CLASP2: variants seen among roughly 807,000 people sequenced by gnomAD.
CLASP2 encodes CLIP-associating protein 2.
CLASP2 carries 47 observed loss-of-function variants against 194.4 expected under a neutral mutation model. The ratio of observed to expected loss-of-function variants is 0.24; its 90% CI spans 0.19 to 0.31. The LOEUF (loss-of-function observed/expected upper bound fraction) is 0.31, where lower values mean the gene tolerates loss of function less well. CLASP2 is among the 10% of genes least tolerant of loss of function. The probability of loss-of-function intolerance (pLI) is 1.00; values close to 1 mark genes in which losing one functional copy is unlikely to be tolerated. For synonymous variants in CLASP2, 619 were observed against 633.5 expected (o/e 0.98, Z 0.34); for missense variants, 1,445 against 1,823.6 (o/e 0.79, Z 3.78).
intron 6 of CLASP2, among the ~76,000 whole-genome samples, chr3:33,672,423 T>C (rs1282806931): frequency 6.6e-6 from 1 of 152,086 alleles, no homozygotes; most frequent in Non-Finnish European, 1.5e-5. Context: ...AGAAAGGACA[T>C]CCACACCAAA....
chr3:33,517,218 ACT>A, intron 34 of CLASP2, 44 bp from the exon 35 acceptor site: 1 of 1,474,656 alleles, frequency 6.8e-7, no homozygotes, highest in Non-Finnish European at 9.1e-7. Flanking sequence ...TTATAGGGTG[ACT>A]CTCACAAGTA....
intron 6 of CLASP2, among the ~76,000 whole-genome samples, chr3:33,676,853 A>G (rs2088761053): frequency 6.6e-6 from 1 of 152,232 alleles, no homozygotes; most frequent in Non-Finnish European, 1.5e-5. Flanking sequence ...GAACAAATTT[A>G]CAAGGAAAAA....
At chr3:33,613,279 C>G (rs2075525557) in intron 12 of CLASP2, among the ~76,000 whole-genome samples, 1 of 152,142 alleles carries the variant, frequency 6.6e-6, no homozygotes, top group South Asian at 2.1e-4. Context: ...TTGCCCAAAA[C>G]CATTACGAAG....
chr3:33,632,312 TA>T lies in CLASP2; in HGVS notation c.921del (p.Phe307LeufsTer19). The T allele has an allele frequency of 6.2e-7, 1 of 1,605,594 alleles. No homozygotes were observed. On this transcript the variant is annotated frameshift_variant, in exon 9 of 39. Coordinates refer to ENST00000682230, the MANE Select transcript of CLASP2 (RefSeq NM_001365631.1). LOFTEE classifies it high-confidence loss of function. ...AVDEDDFIKAFTDVPSIQIYS... is the reference protein window; with the variant it reads ...AVDEDDFIKAXTDVPSIQIYS... The stretch of plus-strand genomic sequence containing the variant: ...CTTACCTGAATAGAAGGGACATCTG[TA>T]AAAGCTTTTATAAAATCATCTTCAT...
Position 33,706,393 on chromosome 3 carries a change from A to G in CLASP2, c.196-9460T>C, listed in dbSNP as rs185200952. ...ACAACTATTTTGAAAATGAAATAAAATAAATGAATCTAAATTTACATCAAG... is the reference window on the plus strand; with the variant it reads ...ACAACTATTTTGAAAATGAAATAAAGTAAATGAATCTAAATTTACATCAAG... On this transcript the variant is annotated intron_variant, in intron 1 of 38. Coordinates refer to ENST00000682230, the MANE Select transcript of CLASP2 (RefSeq NM_001365631.1). Among the ~76,000 whole-genome samples the G allele has an allele frequency of 7.0e-3, 1,067 of 152,356 alleles. 13 individuals are homozygous for G. The highest frequency in any genetic ancestry group is 8.3e-3 in the Non-Finnish European group (563 of 68,036).
At chr3:33,708,991 C>T (rs970052660) in intron 1 of CLASP2, among the ~76,000 whole-genome samples, 4 of 152,170 alleles carry the variant, frequency 2.6e-5, no homozygotes, top group African/African-American at 9.7e-5. Flanking sequence ...GCATCTCATA[C>T]GTTTTGGATA....
chr3:33,584,759 G>A lies in CLASP2; in HGVS notation c.2230C>T (p.Leu744Phe). Residue 744 changes from leucine (L) to phenylalanine (F), a missense_variant, in exon 22 of 39, where the codon CTT becomes TTT. This residue lies in a region of CLASP2 where 732 missense variants were observed against 987.9 expected (regional missense o/e 0.74). Coordinates refer to ENST00000682230, the MANE Select transcript of CLASP2 (RefSeq NM_001365631.1). ...AAAAAAAAAATCTTACCCACTGAAA[G>A]CCTAGATGGACTAGCCTCTCTGCTA... The part of the protein sequence containing the change: ...GCSREASPSR[L>F]SVARSSRIPR... 1 of 1,538,716 alleles carries A rather than the reference G, an allele frequency of 6.5e-7. No individual in the cohort carries two copies. Among genetic ancestry groups the A allele is most frequent in the Non-Finnish European group, 8.8e-7 (1 of 1,140,280 alleles).
chr3:33,516,586 G>A (rs1169629035), intron 35 of CLASP2, among the ~76,000 whole-genome samples: 1 of 152,110 alleles, frequency 6.6e-6, no homozygotes, highest in Non-Finnish European at 1.5e-5. Context: ...AGAATCACTG[G>A]AGCCTGGGAG....
intron 38 of CLASP2, among the ~76,000 whole-genome samples, chr3:33,499,474 C>T (rs946836246): frequency 2.6e-5 from 4 of 151,884 alleles, no homozygotes; most frequent in Admixed American, 2.6e-4. Flanking sequence ...CTCAGCCTCC[C>T]AAGTAGCTGG....
At chr3:33,652,391 A>G (rs2083366329) in intron 7 of CLASP2, among the ~76,000 whole-genome samples, 1 of 152,168 alleles carries the variant, frequency 6.6e-6, no homozygotes. Flanking sequence ...CTATTATACC[A>G]CAGATACCTT....
chr3:33,705,521 C>A (rs1002312005), intron 1 of CLASP2, among the ~76,000 whole-genome samples: 3 of 152,198 alleles, frequency 2.0e-5, no homozygotes, highest in Non-Finnish European at 4.4e-5. Context: ...GTAATATACA[C>A]TTCAAATGAG....
At position 33,718,031 on chromosome 3, in the gene CLASP2, C is replaced by G; in HGVS notation, c.-29G>C. 1.4e-6 allele frequency: 2 copies of G among 1,453,402 alleles called. No homozygotes were observed. The highest frequency in any genetic ancestry group is 9.0e-7 in the Non-Finnish European group (1 of 1,111,096). 90.0% of individuals were successfully genotyped at this position (1,453,402 alleles called of 1,614,324 possible). ...TGCGGCCGCCCGCCCGCCTGCCAGT[C>G]TGTGAGCGGCCAACTTTCGCCGAGA... is the stretch of plus-strand genomic sequence containing the variant. On this transcript the variant is annotated 5_prime_UTR_variant, in exon 1 of 39. Transcript: ENST00000682230.
chr3:33,524,249 A>C (rs985045244), intron 34 of CLASP2, among the ~76,000 whole-genome samples: 4 of 152,156 alleles, frequency 2.6e-5, no homozygotes, highest in African/African-American at 9.7e-5. Flanking sequence ...AGGTATATCA[A>C]TAATAGTAAA....
Position 33,517,018 on chromosome 3 carries a change from A to G in CLASP2, c.3944T>C (p.Ile1315Thr), listed in dbSNP as rs750512970. The G allele has an allele frequency of 2.5e-6, 4 of 1,613,202 alleles. No homozygotes were observed. The highest frequency in any genetic ancestry group is 3.4e-6 in the Non-Finnish European group (4 of 1,179,642). Residue 1315 changes from isoleucine (I) to threonine (T), a missense_variant, in exon 35 of 39, where the codon ATA becomes ACA. Coordinates refer to ENST00000682230, the MANE Select transcript of CLASP2 (RefSeq NM_001365631.1). ...FSVWDEHFKT[I>T]LLLLLETLGD... The stretch of plus-strand genomic sequence containing the variant: ...AAGCGTTTCAAGCAATAAAAGCAAT[A>G]TTGTTTTGAAGTGTTCATCCCAAAC...
At chr3:33,510,840 G>C (rs2049527347) in intron 36 of CLASP2, 76 bp from the exon 37 acceptor site, 1 of 1,270,544 alleles carries the variant, frequency 7.9e-7, no homozygotes, top group Non-Finnish European at 1.1e-6. Context: ...TAAACTTCAT[G>C]AAGTATTCAA....
chr3:33,632,468 A>T (rs1447342655), intron 8 of CLASP2, 97 bp from the exon 9 acceptor site: 5 of 838,746 alleles, frequency 6.0e-6, no homozygotes, highest in African/African-American at 1.7e-5. Flanking sequence ...ATATCAACAA[A>T]AGTATAATTT....
At chr3:33,689,515 G>A (rs961112250) in intron 3 of CLASP2, among the ~76,000 whole-genome samples, 1 of 151,762 alleles carries the variant, frequency 6.6e-6, no homozygotes, top group Non-Finnish European at 1.5e-5. Flanking sequence ...CTCAAAATAA[G>A]CTTTCTCAAT....
chr3:33,509,732 A>G (rs1404109768), intron 37 of CLASP2, among the ~76,000 whole-genome samples: 1 of 152,246 alleles, frequency 6.6e-6, no homozygotes, highest in African/African-American at 2.4e-5. Context: ...TATTGGATGG[A>G]AAGAGTTCAC....
At chr3:33,600,411 G>A (rs146665316) in intron 18 of CLASP2, among the ~76,000 whole-genome samples, 2 of 152,236 alleles carry the variant, frequency 1.3e-5, no homozygotes, top group African/African-American at 2.4e-5. Context: ...TGTTGAGTAT[G>A]TTTATTATGA....
Sources: allele counts gnomAD v4.1 joint callset (sites outside exome capture counted in the v4.1 genomes callset), GRCh38; gene constraint gnomAD v4.1.1; regional missense constraint gnomAD v4.1.1; transcripts MANE v1.5; gene names NCBI Gene and HGNC (gene_info 2026-07-23, HGNC 2026-07-21).